The following HUWE1 variants were observed in gnomAD, a reference collection of about 807,000 sequenced individuals.
HUWE1 encodes E3 ubiquitin-protein ligase HUWE1.
HUWE1 carries 18 observed loss-of-function variants against 299.4 expected under a neutral mutation model. The ratio of observed to expected loss-of-function variants is 0.06; its 90% CI spans 0.04 to 0.09. HUWE1 has a LOEUF of 0.09. Ranked by LOEUF, HUWE1 falls within the 10% of genes least tolerant of loss-of-function variation. The pLI, the probability that HUWE1 is intolerant of heterozygous loss-of-function variation, is 1.00. For synonymous variants in HUWE1, 1,317 were observed against 1,286.1 expected (o/e 1.02, Z -0.51); for missense variants, 1,832 against 3,462.3 (o/e 0.53, Z 11.82).
chrX:53,631,529 C>T, intron 10 of HUWE1, 38 bp downstream of exon 10: 1 of 1,180,661 alleles, frequency 8.5e-7, no homozygotes, highest in Non-Finnish European at 1.2e-6. Context: ...GTGAACCAAA[C>T]ATTAAGAAAC....
intron 74 of HUWE1, among the ~76,000 whole-genome samples, chrX:53,542,012 T>C (rs1412215653): frequency 9.0e-6 from 1 of 111,220 alleles, no homozygotes; most frequent in African/African-American, 3.3e-5. Context: ...GAAACTCGTC[T>C]CTACTAAAAA....
intron 22 of HUWE1, among the ~76,000 whole-genome samples, chrX:53,615,082 T>A (rs1388311432): frequency 2.2e-5 from 1 of 45,802 alleles, no homozygotes; most frequent in African/African-American, 9.1e-5. Flanking sequence ...AAGGCGGGGG[T>A]GGGGGGCAGC....
intron 3 of HUWE1, among the ~76,000 whole-genome samples, chrX:53,662,823 G>A (rs1357088655): frequency 1.8e-5 from 2 of 111,811 alleles, no homozygotes; most frequent in African/African-American, 6.5e-5. Context: ...AGAAGGGGCC[G>A]GGTACAATGG....
chrX:53,648,534 A>AC lies in HUWE1; in HGVS notation c.46-225_46-224insG, dbSNP rs1569509570. 1.1e-3 allele frequency among the ~76,000 whole-genome samples: 109 copies of AC among 97,679 alleles called. 2 individuals carry two copies. Among genetic ancestry groups the AC allele is most frequent in the South Asian group, 2.7e-3 (7 of 2,556 alleles). The allele number at this position is 97,679 out of a possible 115,157, so 84.8% of individuals were successfully genotyped here. Reference sequence around the variant, plus strand: ...AATCCACCTGGGCTTAAAAAACAAAAAAAAACAAAAAAAAACAAAAAACAA... The same window carrying AC: ...AATCCACCTGGGCTTAAAAAACAAAACAAAAACAAAAAAAAACAAAAAACAA... On this transcript the variant is annotated intron_variant, in intron 4 of 83. Transcript: ENST00000262854.
intron 81 of HUWE1, 110 bp downstream of exon 81, chrX:53,535,274 G>C (rs1398561568): frequency 1.8e-6 from 1 of 567,637 alleles, no homozygotes; most frequent in Non-Finnish European, 3.1e-6. Context: ...TTTGTGCAAG[G>C]CATTTGTGGC....
At position 53,585,208 on chromosome X, in the gene HUWE1, G is replaced by C. The variant is rs376757039; in HGVS notation, c.4825-20C>G. 5.6e-5 allele frequency: 67 copies of C among 1,203,735 alleles called. No homozygotes were observed. The highest frequency in any genetic ancestry group is 7.3e-5 in the Non-Finnish European group (65 of 889,393). On this transcript the variant is annotated intron_variant, in intron 39 of 83. Coordinates refer to ENST00000262854, the MANE Select transcript of HUWE1 (RefSeq NM_031407.7). ...CAGGTACTAAACATAAAAGTACAAAGTTTCTTTGTATTTCTTTCAAGGTTG... is the reference window on the plus strand; with the variant it reads ...CAGGTACTAAACATAAAAGTACAAACTTTCTTTGTATTTCTTTCAAGGTTG...
chrX:53,565,137 A>G lies in HUWE1; in HGVS notation c.6810T>C (p.Ser2270=), dbSNP rs1602678611. The stretch of plus-strand genomic sequence containing the variant: ...CATCCTGCTCAGACTTGTTCTTGCT[A>G]GAAGCACTCTTGCTGCCAAAAAGGC... The part of the protein sequence containing the change: ...PSSLFGSKSA[S]SKNKSEQDAQ... The change falls in exon 50 of 84, where the codon TCT becomes TCC. Residue 2270 remains serine, a synonymous_variant. Transcript: ENST00000262854. 1.7e-6 allele frequency: 2 copies of G among 1,211,708 alleles called. No homozygotes were observed. Among genetic ancestry groups the G allele is most frequent in the Non-Finnish European group, 2.2e-6 (2 of 895,277 alleles).
chrX:53,585,750 C>T (rs1415764444), intron 39 of HUWE1, among the ~76,000 whole-genome samples: 5 of 111,791 alleles, frequency 4.5e-5, no homozygotes, highest in African/African-American at 6.5e-5. Flanking sequence ...GACGCGATGC[C>T]GGCTCGGTTC....
intron 59 of HUWE1, 142 bp downstream of exon 59, chrX:53,558,513 T>C (rs922729600): frequency 1.7e-6 from 1 of 581,918 alleles, no homozygotes; most frequent in African/African-American, 2.2e-5. Context: ...GGTCAATGTA[T>C]GGTGAATTTG....
At chrX:53,670,226 TC>T (rs1462352853) in intron 3 of HUWE1, among the ~76,000 whole-genome samples, 3 of 112,127 alleles carry the variant, frequency 2.7e-5, no homozygotes, top group African/African-American at 9.7e-5. Flanking sequence ...ACTTTAAAAT[TC>T]CCCTATTTGG....
rs1556978608 is a variant in HUWE1 at position 53,591,154 on chromosome X, A to G, written c.3973-32T>C. Reference sequence around the variant, plus strand: ...AAAGAATGCAAGGGCTCAGAATCACATAACGGAAATCCAAATACATTTTTA... The same window carrying G: ...AAAGAATGCAAGGGCTCAGAATCACGTAACGGAAATCCAAATACATTTTTA... On this transcript the variant is annotated intron_variant, in intron 33 of 83. Coordinates refer to ENST00000262854, the MANE Select transcript of HUWE1 (RefSeq NM_031407.7). 3.3e-6 allele frequency: 4 copies of G among 1,201,324 alleles called. No individual in the cohort carries two copies. In the Admixed American group the frequency reaches 8.8e-5, roughly 26 times the overall value.
intron 40 of HUWE1, among the ~76,000 whole-genome samples, 182 bp downstream of exon 40, chrX:53,584,829 GA>G (rs1300548404): frequency 2.7e-5 from 3 of 111,701 alleles, no homozygotes; most frequent in Non-Finnish European, 5.6e-5. Flanking sequence ...GGCTTCCCTG[GA>G]CCACACTGGA....
In HUWE1 at chrX:53,600,241, G is replaced by A. The variant is rs2064748172; in HGVS notation, c.3040C>T (p.Leu1014=). The A allele has an allele frequency of 8.3e-7, 1 of 1,209,055 alleles. No homozygotes were observed. Among genetic ancestry groups the A allele is most frequent in the African/African-American group, 1.7e-5 (1 of 57,754 alleles). Residue 1014 remains leucine, a synonymous_variant, in exon 29 of 84, where the codon CTA becomes TTA. Transcript: ENST00000262854. ...ATGGGAGCCAATGTGTCACCATCTA[G>A]CCCAATGCCTTCTAATAAGCCCTGG... ...STQGLLEGIG[L]DGDTLAPMET... is the part of the protein sequence containing the mutation.
chrX:53,565,315 T>G, intron 49 of HUWE1, 76 bp from the exon 50 acceptor site: 5 of 896,163 alleles, frequency 5.6e-6, no homozygotes, highest in Non-Finnish European at 8.0e-6. Flanking sequence ...ACACTAAGCT[T>G]CTTACAATGG....
intron 23 of HUWE1, among the ~76,000 whole-genome samples, chrX:53,614,333 A>G (rs1284882792): frequency 2.7e-5 from 3 of 111,971 alleles, no homozygotes; most frequent in African/African-American, 3.2e-5. Flanking sequence ...AAGGCAACCA[A>G]TACAATTAAA....
Position 53,551,256 on chromosome X carries a change from G to A in HUWE1, c.9096+10C>T, listed in dbSNP as rs2061753485. 5 of 1,207,928 alleles carry A rather than the reference G, an allele frequency of 4.1e-6. 1 individual carries two copies. In the South Asian group the frequency reaches 5.3e-5, roughly 13 times the overall value. On this transcript the variant is annotated intron_variant, in intron 64 of 83. Transcript: ENST00000262854. ...GGCAGCCTGGCCCCACCACCTTCCC[G>A]CTCACATACTTCCTCCTGAATGGCT...
At chrX:53,607,036 A>T (rs1298271085) in intron 25 of HUWE1, among the ~76,000 whole-genome samples, 2 of 111,637 alleles carry the variant, frequency 1.8e-5, no homozygotes, top group Non-Finnish European at 3.8e-5. Flanking sequence ...ATGAACTACC[A>T]TGTCAATTAT....
Position 53,646,093 on chromosome X carries a change from TATATAAC to T in HUWE1, c.352-637_352-631del, listed in dbSNP as rs1275710812. 9.0e-5 allele frequency among the ~76,000 whole-genome samples: 10 copies of T among 111,013 alleles called. No homozygotes were observed. In the South Asian group the frequency reaches 2.7e-3, roughly 30 times the overall value. On this transcript the variant is annotated intron_variant, in intron 6 of 83. Coordinates refer to ENST00000262854, the MANE Select transcript of HUWE1 (RefSeq NM_031407.7). ...GATATCGATAACAGCTCGTGGCAAT[TATATAAC>T]ATATAAGTGTTACAGTACAGTATAT...
intron 60 of HUWE1, 85 bp from the exon 61 acceptor site, chrX:53,555,005 A>G (rs1394320202): frequency 1.5e-5 from 11 of 716,356 alleles, no homozygotes; most frequent in African/African-American, 8.7e-5. Context: ...ATGTGGCCTG[A>G]TAAGTATCCC....
Sources: gnomAD v4.1 joint callset for allele counts (sites outside exome capture counted in the v4.1 genomes callset) on GRCh38, gnomAD v4.1.1 for gene constraint, MANE v1.5 for transcripts, NCBI Gene and HGNC (gene_info 2026-07-23, HGNC 2026-07-21) for gene names.